Variants in TP53INP1 observed in about 807,000 individuals in gnomAD.
TP53INP1 encodes the protein tumor protein p53-inducible nuclear protein 1.
TP53INP1 carries 12 observed loss-of-function variants against 21.0 expected under a neutral mutation model. That is an observed-to-expected ratio of 0.57 (90% CI 0.37 to 0.93). TP53INP1 has a LOEUF of 0.93. Among genes scored for constraint, TP53INP1 ranks in the 40% least tolerant of loss-of-function variants. The probability of loss-of-function intolerance (pLI) is 0.01; values close to 1 mark genes in which losing one functional copy is unlikely to be tolerated. For missense variants in TP53INP1, 274 were observed against 294.7 expected (o/e 0.93, Z 0.51); for synonymous variants, 91 against 94.8 (o/e 0.96, Z 0.23).
At chr8:94,933,425 T>C (rs1299031265) in intron 3 of TP53INP1, among the ~76,000 whole-genome samples, 1 of 152,146 alleles carries the variant, frequency 6.6e-6, no homozygotes, top group South Asian at 2.1e-4. Context: ...AGAAATCTAC[T>C]GAAACAAAAT....
At position 94,929,759 on chromosome 8, in the gene TP53INP1, A is replaced by C. The variant is rs1458079171; in HGVS notation, c.*720T>G. The C allele has an allele frequency of 6.6e-6, 1 of 152,216 alleles. No individual in the cohort carries two copies. Among genetic ancestry groups the C allele is most frequent in the Non-Finnish European group, 1.5e-5 (1 of 68,048 alleles). 9.4% of individuals were successfully genotyped at this position (152,216 alleles called of 1,614,324 possible). A position where few individuals can be genotyped will look rare whatever the true frequency, so the allele number is the denominator to read the frequency against. On this transcript the variant is annotated 3_prime_UTR_variant, in exon 4 of 4. Coordinates refer to ENST00000342697, the MANE Select transcript of TP53INP1 (RefSeq NM_033285.4). ...TTCCAAATATAATCTCACAGGTCTA[A>C]TTTAATCCCTCTGCACGAGACAAGT...
intron 1 of TP53INP1, among the ~76,000 whole-genome samples, chr8:94,947,640 A>G (rs920581277): frequency 5.9e-5 from 9 of 152,246 alleles, no homozygotes; most frequent in Non-Finnish European, 1.3e-4. Flanking sequence ...CTGTTCAACT[A>G]GTGTGCAAGG....
chr8:94,940,051 C>T lies in TP53INP1; in HGVS notation c.282G>A (p.Glu94=). The T allele has an allele frequency of 6.2e-7, 1 of 1,614,224 alleles. No homozygotes were observed. The highest frequency in any genetic ancestry group is 8.5e-7 in the Non-Finnish European group (1 of 1,180,042). ...ATGGGGGTGGGGTGATAAACCAGCT[C>T]TCCTCCATTGGACATGACTCAAACT... ...FLQFESCPME[E]SWFITPPPCF... The change falls in exon 3 of 4, where the codon GAG becomes GAA. Residue 94 remains glutamate, a synonymous_variant. Coordinates refer to ENST00000342697, the MANE Select transcript of TP53INP1 (RefSeq NM_033285.4).
rs916235031 is a variant in TP53INP1, at chr8:94,949,326, T to C, written c.-323A>G. 6 of 149,910 alleles carry C rather than the reference T, an allele frequency of 4.0e-5. No homozygotes were observed. Among genetic ancestry groups the C allele is most frequent in the Non-Finnish European group, 8.9e-5 (6 of 67,400 alleles). The allele number at this position is 149,910 out of a possible 1,614,324, so 9.3% of individuals were successfully genotyped here. A position where few individuals can be genotyped will look rare whatever the true frequency, so the allele number is the denominator to read the frequency against. On this transcript the variant is annotated 5_prime_UTR_variant, in exon 1 of 4. Coordinates refer to ENST00000342697, the MANE Select transcript of TP53INP1 (RefSeq NM_033285.4). ...GGGCCGGCTCCAGCCCTCGGGTCGC[T>C]GCGCCCAGGCCGGCCAGTCCAAGTC...
intron 3 of TP53INP1, among the ~76,000 whole-genome samples, chr8:94,935,128 T>TATAGATAGATAGATAGATAGATAG (rs56734843): frequency 1.2e-4 from 18 of 144,750 alleles, no homozygotes; most frequent in East Asian, 4.0e-4. Context: ...GGTAGATAGA[T>TATAGATAGATAGATAGATAGATAG]ATAGATAGAT....
rs1024388372 is a variant in TP53INP1 at position 94,930,098 on chromosome 8, G to C, written c.*381C>G. ...CAGCTGACCCTGAGAATAAATTTTTGCTTGCTTAAAAGATTAAGTAATACA... is the reference window on the plus strand; with the variant it reads ...CAGCTGACCCTGAGAATAAATTTTTCCTTGCTTAAAAGATTAAGTAATACA... On this transcript the variant is annotated 3_prime_UTR_variant, in exon 4 of 4. Coordinates refer to ENST00000342697, the MANE Select transcript of TP53INP1 (RefSeq NM_033285.4). 1 of 189,426 alleles carries C rather than the reference G, an allele frequency of 5.3e-6. No individual in the cohort carries two copies. Among genetic ancestry groups the C allele is most frequent in the Non-Finnish European group, 1.1e-5 (1 of 90,350 alleles). 11.7% of individuals were successfully genotyped at this position (189,426 alleles called of 1,614,324 possible). A position where few individuals can be genotyped will look rare whatever the true frequency, so the allele number is the denominator to read the frequency against.
At position 94,940,031 on chromosome 8, in the gene TP53INP1, G is replaced by T; in HGVS notation, c.302C>A (p.Pro101His). The T allele has an allele frequency of 6.2e-7, 1 of 1,614,172 alleles. No individual in the cohort carries two copies. Among genetic ancestry groups the T allele is most frequent in the Non-Finnish European group, 8.5e-7 (1 of 1,180,020 alleles). ...PMEESWFITP[P>H]PCFTAGGLTT... is the part of the protein sequence containing the mutation. ...TAATCCACCTGCAGTAAAACATGGGGGTGGGGTGATAAACCAGCTCTCCTC... is the reference window on the plus strand; with the variant it reads ...TAATCCACCTGCAGTAAAACATGGGTGTGGGGTGATAAACCAGCTCTCCTC... Residue 101 changes from proline to histidine, a missense_variant, in exon 3 of 4, where the codon CCC becomes CAC. Physicochemically the swap from Pro to His is moderately conservative, Grantham distance 77. Transcript: ENST00000342697.
chr8:94,942,606 T>G (rs775442616), intron 1 of TP53INP1, among the ~76,000 whole-genome samples: 4 of 152,232 alleles, frequency 2.6e-5, no homozygotes, highest in Non-Finnish European at 4.4e-5. Context: ...ACTGAGCACC[T>G]GTTATGCATC....
At chr8:94,934,001 CG>C (rs1820716642) in intron 3 of TP53INP1, among the ~76,000 whole-genome samples, 1 of 148,808 alleles carries the variant, frequency 6.7e-6, no homozygotes, top group Admixed American at 6.7e-5. Context: ...TGCTTGAACC[CG>C]GGAGGCAGAG....
Position 94,940,028 on chromosome 8 carries a change from G to A in TP53INP1, c.305C>T (p.Pro102Leu), listed in dbSNP as rs1237453753. The A allele has an allele frequency of 6.2e-7, 1 of 1,614,068 alleles. No individual in the cohort carries two copies. The highest frequency in any genetic ancestry group is 8.5e-7 in the Non-Finnish European group (1 of 1,180,038). ...GGTTAATCCACCTGCAGTAAAACATGGGGGTGGGGTGATAAACCAGCTCTC... is the reference window on the plus strand; with the variant it reads ...GGTTAATCCACCTGCAGTAAAACATAGGGGTGGGGTGATAAACCAGCTCTC... The part of the protein sequence containing the change: ...MEESWFITPP[P>L]CFTAGGLTTI... Residue 102 changes from proline (P) to leucine (L), a missense_variant, in exon 3 of 4, where the codon CCA becomes CTA. Pro to Leu is a moderately conservative substitution (Grantham distance 98). Coordinates refer to ENST00000342697, the MANE Select transcript of TP53INP1 (RefSeq NM_033285.4).
intron 3 of TP53INP1, 150 bp downstream of exon 3, chr8:94,939,710 T>TAA (rs1563730239): frequency 8.7e-7 from 1 of 1,146,750 alleles, no homozygotes; most frequent in East Asian, 2.5e-5. Context: ...CAAGTTATCT[T>TAA]ACGGACCATC....
chr8:94,947,100 T>C (rs1005310504), intron 1 of TP53INP1, among the ~76,000 whole-genome samples: 1 of 152,178 alleles, frequency 6.6e-6, no homozygotes, highest in African/African-American at 2.4e-5. Context: ...AACTAACTTG[T>C]TCAAAAGTGA....
chr8:94,937,502 C>T (rs934302831), intron 3 of TP53INP1, among the ~76,000 whole-genome samples: 2 of 151,968 alleles, frequency 1.3e-5, no homozygotes, highest in African/African-American at 2.4e-5. Context: ...CTGGCTGTCC[C>T]CACAAGATTT....
In TP53INP1 at chr8:94,930,699, T is replaced by G; in HGVS notation, c.503A>C (p.His168Pro). ...RVEAQNEMGQ[H>P]IHCYVAALAA... ...AAGAGCTGCAACATAACAATGAATA[T>G]GCTGCCCCATTTCATTTTGAGCTTC... is the stretch of plus-strand genomic sequence containing the variant. The change falls in exon 4 of 4, where the codon CAT (histidine) becomes CCT (proline). Residue 168 changes from histidine (H) to proline (P), a missense_variant. By Grantham distance (77) the His-to-Pro change is moderately conservative. Coordinates refer to ENST00000342697, the MANE Select transcript of TP53INP1 (RefSeq NM_033285.4). The G allele has an allele frequency of 6.2e-7, 1 of 1,614,212 alleles. No homozygotes were observed. Among genetic ancestry groups the G allele is most frequent in the Non-Finnish European group, 8.5e-7 (1 of 1,180,026 alleles).
Position 94,929,820 on chromosome 8 carries a change from G to A in TP53INP1, c.*659C>T, listed in dbSNP as rs1378197032. The stretch of plus-strand genomic sequence containing the variant: ...ACAACACCTGTAATGTCTGTACCAC[G>A]TCATGCAGTCACATTGGAATTACTG... On this transcript the variant is annotated 3_prime_UTR_variant, in exon 4 of 4. Transcript: ENST00000342697. 2.0e-5 allele frequency: 3 copies of A among 152,236 alleles called. No homozygotes were observed. Among genetic ancestry groups the A allele is most frequent in the Admixed American group, 1.3e-4 (2 of 15,278 alleles). 9.4% of individuals were successfully genotyped at this position (152,236 alleles called of 1,614,324 possible). A position where few individuals can be genotyped will look rare whatever the true frequency, so the allele number is the denominator to read the frequency against.
At chr8:94,940,368 T>G (rs1016080627) in intron 2 of TP53INP1, 148 bp from the exon 3 acceptor site, 9 of 892,580 alleles carry the variant, frequency 1.0e-5, no homozygotes, top group African/African-American at 1.0e-4. Context: ...GATGCTCACG[T>G]ATCTTCTTTT....
intron 3 of TP53INP1, chr8:94,932,093 C>T: frequency 6.2e-7 from 1 of 1,610,484 alleles, no homozygotes; most frequent in Admixed American, 1.7e-5. Flanking sequence ...GTCTTATAAG[C>T]AGCTTTTCCT....
rs756928155 is a variant in TP53INP1 at position 94,930,497 on chromosome 8, C to G, written c.705G>C (p.Pro235=). 2.8e-5 allele frequency: 46 copies of G among 1,614,082 alleles called. 1 individual carries two copies. In the South Asian group the frequency reaches 5.1e-4, roughly 18 times the overall value. The change falls in exon 4 of 4, where the codon CCG becomes CCC. Residue 235 remains proline, a synonymous_variant. Coordinates refer to ENST00000342697, the MANE Select transcript of TP53INP1 (RefSeq NM_033285.4). ...GAAACTATTAGTAATTGTACTGACGCGGGCAGGGCTGATGAACAACCCAGC... is the reference window on the plus strand; with the variant it reads ...GAAACTATTAGTAATTGTACTGACGGGGGCAGGGCTGATGAACAACCCAGC... ...HNGWVVHQPC[P]RQYNY
rs1478466113 is a variant in TP53INP1 at position 94,927,687 on chromosome 8, G to A, written c.*2792C>T. On this transcript the variant is annotated 3_prime_UTR_variant, in exon 4 of 4. Coordinates refer to ENST00000342697, the MANE Select transcript of TP53INP1 (RefSeq NM_033285.4). ...AAACATAAGATATATATTATAAAATGTTTTGTCAACAAAAACAAACTTTGA... is the reference window on the plus strand; with the variant it reads ...AAACATAAGATATATATTATAAAATATTTTGTCAACAAAAACAAACTTTGA... 1 of 152,096 alleles carries A rather than the reference G, an allele frequency of 6.6e-6. No individual in the cohort carries two copies. Among genetic ancestry groups the A allele is most frequent in the African/African-American group, 2.4e-5 (1 of 41,402 alleles). The allele number at this position is 152,096 out of a possible 1,614,324, so 9.4% of individuals were successfully genotyped here. A position where few individuals can be genotyped will look rare whatever the true frequency, so the allele number is the denominator to read the frequency against.
Sources: allele counts gnomAD v4.1 joint callset (sites outside exome capture counted in the v4.1 genomes callset), GRCh38; gene constraint gnomAD v4.1.1; transcripts MANE v1.5; gene names NCBI Gene and HGNC (gene_info 2026-07-23, HGNC 2026-07-21).